Variants in DLGAP2 observed in about 807,000 individuals in gnomAD.
DLGAP2 encodes the protein DLG associated protein 2.
DLGAP2 carries 26 observed loss-of-function variants against 100.3 expected under a neutral mutation model. That is an observed-to-expected ratio of 0.26 (90% CI 0.19 to 0.36). The LOEUF (loss-of-function observed/expected upper bound fraction) is 0.36. Among genes scored for constraint, DLGAP2 ranks in the 10% least tolerant of loss-of-function variants. The pLI is 1.00. For missense variants in DLGAP2, 1,858 were observed against 1,453.2 expected, an observed-to-expected ratio of 1.28 and a Z score of -4.53; for synonymous variants, 886 against 630.1, an observed-to-expected ratio of 1.41 and a Z score of -6.08.
At chr8:1,381,338 C>T (rs936650544) in intron 3 of DLGAP2, 18 of 152,142 alleles carry the variant, frequency 1.2e-4, no homozygotes, top group African/African-American at 3.6e-4. Context: ...AAAAATGGGC[C>T]GTTACGGTTC....
chr8:1,414,880 G>A (rs1435144016), intron 3 of DLGAP2, among the ~76,000 whole-genome samples: 2 of 152,140 alleles, frequency 1.3e-5, no homozygotes, highest in African/African-American at 4.8e-5. Context: ...GTGGTGGCAG[G>A]CATCTGTAAT....
At chr8:1,636,443 T>C (rs1489114254) in intron 8 of DLGAP2, among the ~76,000 whole-genome samples, 4 of 152,190 alleles carry the variant, frequency 2.6e-5, no homozygotes, top group Non-Finnish European at 2.9e-5. Flanking sequence ...CTTGCCAACA[T>C]AGAGGAGAAA....
intron 6 of DLGAP2, among the ~76,000 whole-genome samples, chr8:1,587,752 A>G (rs1238847574): frequency 6.6e-6 from 1 of 152,072 alleles, no homozygotes; most frequent in African/African-American, 2.4e-5. Context: ...AATGTGTAAA[A>G]TTATTTAATA....
At chr8:889,592 C>T (rs905598414) in intron 1 of DLGAP2, among the ~76,000 whole-genome samples, 2 of 152,210 alleles carry the variant, frequency 1.3e-5, no homozygotes, top group Non-Finnish European at 2.9e-5. Context: ...GGGTGTGTTG[C>T]GCTGTGCAGA....
At chr8:1,253,769 A>C (rs1201146368) in intron 2 of DLGAP2, among the ~76,000 whole-genome samples, 2 of 152,204 alleles carry the variant, frequency 1.3e-5, no homozygotes, top group Admixed American at 6.5e-5. Flanking sequence ...TGCACTAATG[A>C]TGATGAATCC....
In DLGAP2 at chr8:1,586,456, T is replaced by TCGA. The variant is rs200532523; in HGVS notation, c.1442+20562_1442+20563insCGA. On this transcript the variant is annotated intron_variant, in intron 6 of 14. Transcript: ENST00000637795. Reference sequence around the variant, plus strand: ...TCTCACGTCCACATCGATCTCCGACTTGCTCTGCCTTCCTCTTCTGCTTTC... The same window carrying TCGA: ...TCTCACGTCCACATCGATCTCCGACTCGATGCTCTGCCTTCCTCTTCTGCTTTC... Among the ~76,000 whole-genome samples, 381 of 152,336 alleles carry TCGA rather than the reference T, an allele frequency of 2.5e-3. 8 individuals carry two copies. The East Asian group carries it at 0.064, about 26-fold the overall frequency.
chr8:1,069,872 A>C (rs1232720984), intron 2 of DLGAP2, among the ~76,000 whole-genome samples: 1 of 152,136 alleles, frequency 6.6e-6, no homozygotes, highest in African/African-American at 2.4e-5. Flanking sequence ...AGAGGCCAGA[A>C]GCCAAGCTAG....
At chr8:750,765 A>T (rs1485243857) in intron 1 of DLGAP2, among the ~76,000 whole-genome samples, 1 of 152,192 alleles carries the variant, frequency 6.6e-6, no homozygotes, top group Admixed American at 6.5e-5. Flanking sequence ...CTGATGGGAG[A>T]ACAGTGTTTC....
At chr8:1,390,188 C>T (rs147456133) in intron 3 of DLGAP2, among the ~76,000 whole-genome samples, 11 of 152,220 alleles carry the variant, frequency 7.2e-5, no homozygotes, top group African/African-American at 1.7e-4. Context: ...GTAAACCAAA[C>T]GACTCTGGAA....
At chr8:1,459,985 T>A (rs1252531316) in intron 3 of DLGAP2, among the ~76,000 whole-genome samples, 2 of 152,102 alleles carry the variant, frequency 1.3e-5, no homozygotes, top group Admixed American at 1.3e-4. Context: ...GGACCTCGGG[T>A]GTTTTTATGT....
chr8:1,009,735 A>C (rs1450361819), intron 2 of DLGAP2, among the ~76,000 whole-genome samples: 2 of 152,218 alleles, frequency 1.3e-5, no homozygotes, highest in African/African-American at 2.4e-5. Flanking sequence ...GCGTGTGTAG[A>C]GTGGGCCACC....
chr8:1,630,505 A>T (rs546222707), intron 7 of DLGAP2, among the ~76,000 whole-genome samples: 1 of 152,132 alleles, frequency 6.6e-6, no homozygotes, highest in South Asian at 2.1e-4. Flanking sequence ...GATCGAGACC[A>T]TCCTGGCTAA....
chr8:1,627,601 AAT>A (rs1797537913), intron 7 of DLGAP2, among the ~76,000 whole-genome samples: 1 of 152,238 alleles, frequency 6.6e-6, no homozygotes, highest in Non-Finnish European at 1.5e-5. Context: ...TACTCACTTA[AAT>A]GCCTTTGAAA....
chr8:1,305,719 A>G (rs890014467), intron 3 of DLGAP2, among the ~76,000 whole-genome samples: 1 of 152,234 alleles, frequency 6.6e-6, no homozygotes, highest in Non-Finnish European at 1.5e-5. Context: ...CATACTGTGT[A>G]CCACCTAAAG....
chr8:972,728 A>T (rs1424614437), intron 2 of DLGAP2, among the ~76,000 whole-genome samples: 1 of 152,176 alleles, frequency 6.6e-6, no homozygotes, highest in East Asian at 1.9e-4. Context: ...AAACAAGTGA[A>T]CAAAGATCTC....
At chr8:1,246,901 G>GTGTGGAGTGATGGT in intron 2 of DLGAP2, 2 of 139,864 alleles carry the variant, frequency 1.4e-5, no homozygotes, top group Non-Finnish European at 3.0e-5. Flanking sequence ...TTGGTGTCCA[G>GTGTGGAGTGATGGT]CAAGACCTTT....
intron 2 of DLGAP2, among the ~76,000 whole-genome samples, chr8:954,082 T>A (rs1799542809): frequency 1.3e-5 from 2 of 152,152 alleles, no homozygotes; most frequent in East Asian, 3.9e-4. Flanking sequence ...ATGAAAGTAG[T>A]TTTGACGTCT....
intron 2 of DLGAP2, among the ~76,000 whole-genome samples, chr8:1,106,554 G>C (rs1213662944): frequency 1.3e-5 from 2 of 150,234 alleles, no homozygotes; most frequent in African/African-American, 4.9e-5. Context: ...CATTCTAGGA[G>C]GGTTTTCTAC....
intron 1 of DLGAP2, among the ~76,000 whole-genome samples, chr8:814,378 A>C (rs1217481230): frequency 6.6e-6 from 1 of 152,184 alleles, no homozygotes; most frequent in Non-Finnish European, 1.5e-5. Context: ...AATTCATTGA[A>C]TCCTTACAAA....
Sources: allele counts gnomAD v4.1 joint callset (sites outside exome capture counted in the v4.1 genomes callset), GRCh38; gene constraint gnomAD v4.1.1; transcripts MANE v1.5; gene names NCBI Gene and HGNC (gene_info 2026-07-23, HGNC 2026-07-21).